The following KIF21A variants were observed in gnomAD, a reference collection of about 807,000 sequenced individuals.
The protein encoded by KIF21A is kinesin-like protein KIF21A.
KIF21A carries 114 observed loss-of-function variants against 202.9 expected under a neutral mutation model. The observed-to-expected ratio is 0.56, with a 90% confidence interval of 0.48 to 0.66. KIF21A has a LOEUF of 0.66. Ranked by LOEUF, KIF21A falls within the 30% of genes least tolerant of loss-of-function variation. KIF21A has a pLI of 0.00. For missense variants in KIF21A, 1,677 were observed against 1,994.9 expected (o/e 0.84, Z 3.04); for synonymous variants, 667 against 670.8 (o/e 0.99, Z 0.09).
chr12:39,392,672 G>T (rs1951454416), intron 1 of KIF21A, among the ~76,000 whole-genome samples: 1 of 151,568 alleles, frequency 6.6e-6, no homozygotes, highest in East Asian at 1.9e-4. Context: ...AGGACAAGGA[G>T]GTAGTTGGTG....
intron 27 of KIF21A, among the ~76,000 whole-genome samples, chr12:39,320,932 C>CAAAAA (rs59613512): frequency 5.6e-4 from 9 of 16,138 alleles, no homozygotes; most frequent in East Asian, 3.3e-3. Context: ...AAGACTCTGC[C>CAAAAA]AAAAAAAAAA....
At chr12:39,388,856 C>T (rs376152534) in intron 1 of KIF21A, among the ~76,000 whole-genome samples, 21 of 152,246 alleles carry the variant, frequency 1.4e-4, no homozygotes, top group African/African-American at 4.6e-4. Context: ...TGCTAAATTA[C>T]TCCTTATTTT....
At chr12:39,314,699 C>T (rs1255229701) in intron 31 of KIF21A, among the ~76,000 whole-genome samples, 1 of 151,740 alleles carries the variant, frequency 6.6e-6, no homozygotes, top group Non-Finnish European at 1.5e-5. Flanking sequence ...TCCTAAGAAT[C>T]TATTAAATGT....
At chr12:39,340,105 T>C (rs1947320879) in intron 16 of KIF21A, 60 bp downstream of exon 16, 5 of 1,315,776 alleles carry the variant, frequency 3.8e-6, no homozygotes, top group Non-Finnish European at 4.3e-6. Flanking sequence ...GTTTATTTTT[T>C]GTCCCAAATG....
chr12:39,382,269 T>C (rs565745676), intron 1 of KIF21A, among the ~76,000 whole-genome samples: 7 of 152,164 alleles, frequency 4.6e-5, no homozygotes, highest in Admixed American at 1.3e-4. Flanking sequence ...ATTTGTAAGA[T>C]TTTATATTAA....
At chr12:39,403,902 T>G (rs559583606) in intron 1 of KIF21A, among the ~76,000 whole-genome samples, 3 of 152,310 alleles carry the variant, frequency 2.0e-5, no homozygotes, top group African/African-American at 7.2e-5. Context: ...TGAGTTAATA[T>G]GAATGAGAAC....
At chr12:39,352,128 C>T in intron 10 of KIF21A, 148 bp from the exon 11 acceptor site, 1 of 666,332 alleles carries the variant, frequency 1.5e-6, no homozygotes, top group Non-Finnish European at 2.6e-6. Flanking sequence ...TCACCACCAT[C>T]CATCTCCAGA....
At chr12:39,374,177 T>A (rs756017614) in intron 1 of KIF21A, among the ~76,000 whole-genome samples, 2 of 152,234 alleles carry the variant, frequency 1.3e-5, no homozygotes, top group South Asian at 2.1e-4. Context: ...ACCTGCTTTA[T>A]AATTGATGAG....
intron 1 of KIF21A, among the ~76,000 whole-genome samples, chr12:39,424,947 G>A (rs552584543): frequency 6.6e-6 from 1 of 151,820 alleles, no homozygotes; most frequent in Non-Finnish European, 1.5e-5. Flanking sequence ...GACCTATAAG[G>A]CCCTTAATGA....
At chr12:39,370,990 T>C (rs1398526177) in intron 1 of KIF21A, among the ~76,000 whole-genome samples, 1 of 152,190 alleles carries the variant, frequency 6.6e-6, no homozygotes, top group Non-Finnish European at 1.5e-5. Flanking sequence ...AGTATTTGCA[T>C]ATAACTTACA....
In KIF21A at chr12:39,313,064, C is replaced by T. The variant is rs553372265; in HGVS notation, c.3960-1511G>A. ...CAAGAGGGCAGAAATGATTAAGAAA[C>T]GTGAGCCCCAGATAAGTTAGAGCTG... is the stretch of plus-strand genomic sequence containing the variant. On this transcript the variant is annotated intron_variant, in intron 31 of 37. Transcript: ENST00000361418. Among the ~76,000 whole-genome samples, 7 of 151,942 alleles carry T rather than the reference C, an allele frequency of 4.6e-5. No individual in the cohort carries two copies. In the South Asian group the frequency reaches 1.5e-3, roughly 32 times the overall value.
chr12:39,404,742 A>G (rs1952448388), intron 1 of KIF21A, among the ~76,000 whole-genome samples: 1 of 152,210 alleles, frequency 6.6e-6, no homozygotes. Flanking sequence ...ATAGTAAATG[A>G]GACTTCTAAC....
intron 11 of KIF21A, among the ~76,000 whole-genome samples, chr12:39,347,397 G>A (rs968453025): frequency 2.6e-5 from 4 of 151,874 alleles, no homozygotes; most frequent in African/African-American, 9.7e-5. Context: ...CTGTATACCA[G>A]TATTTGTCAT....
chr12:39,319,899 C>T lies in KIF21A; in HGVS notation c.3779+7G>A, dbSNP rs372602056. ...AGTCTAGCAGGTAAAAAACATTAGT[C>T]ACTTACTGCTTTTGTTCCTTGGCCT... On this transcript the variant is annotated splice_region_variant and intron_variant, in intron 28 of 37. Coordinates refer to ENST00000361418, the MANE Select transcript of KIF21A (RefSeq NM_001173464.2). 1.3e-6 allele frequency: 2 copies of T among 1,522,242 alleles called. No homozygotes were observed. The highest frequency in any genetic ancestry group is 2.7e-5 in the African/African-American group (2 of 73,244). The allele number at this position is 1,522,242 out of a possible 1,614,324, so 94.3% of individuals were successfully genotyped here. A position where few individuals can be genotyped will look rare whatever the true frequency, so the allele number is the denominator to read the frequency against.
intron 7 of KIF21A, among the ~76,000 whole-genome samples, chr12:39,362,076 CT>C (rs1401298280): frequency 1.3e-5 from 2 of 152,094 alleles, no homozygotes; most frequent in Non-Finnish European, 2.9e-5. Flanking sequence ...CCTCTCCTTC[CT>C]CCTGCTCCAG....
intron 1 of KIF21A, among the ~76,000 whole-genome samples, chr12:39,413,098 C>G (rs1257330261): frequency 6.6e-6 from 1 of 152,118 alleles, no homozygotes. Flanking sequence ...TATAGCAAAT[C>G]TTTTAGGAAT....
intron 37 of KIF21A, among the ~76,000 whole-genome samples, chr12:39,298,662 T>G (rs1305924518): frequency 6.6e-6 from 1 of 152,182 alleles, no homozygotes; most frequent in Non-Finnish European, 1.5e-5. Context: ...AAACAAAGCC[T>G]GATACTCTTT....
rs1266836766 is a variant in KIF21A at position 39,351,932 on chromosome 12, G to A, written c.1518C>T (p.Asn506=). 4 of 1,613,284 alleles carry A rather than the reference G, an allele frequency of 2.5e-6. No individual in the cohort carries two copies. The highest frequency in any genetic ancestry group is 2.5e-6 in the Non-Finnish European group (3 of 1,179,558). Residue 506 remains asparagine, a synonymous_variant, in exon 11 of 38, where the codon AAC becomes AAT. Transcript: ENST00000361418. Reference sequence around the variant, plus strand: ...GCGCTCTTGCTGTGGCTCTTGTCAAGTTTTTTCGAAGGTTCTCATTCACTG... The same window carrying A: ...GCGCTCTTGCTGTGGCTCTTGTCAAATTTTTTCGAAGGTTCTCATTCACTG... ...SEAVNENLRK[N]LTRATARAPY... is the part of the protein sequence containing the mutation.
rs1395136814 is a variant in KIF21A, at chr12:39,442,147, A to T, written c.44+780T>A. Among the ~76,000 whole-genome samples the T allele has an allele frequency of 6.6e-6, 1 of 152,014 alleles. No homozygotes were observed. Among genetic ancestry groups the T allele is most frequent in the Admixed American group, 6.6e-5 (1 of 15,258 alleles). On this transcript the variant is annotated intron_variant, in intron 1 of 37. Transcript: ENST00000361418. The surrounding 1 kb of genome is among the most constrained non-coding windows in gnomAD (Gnocchi z 5.0). ...ATGTACCTAGTATTTCCAGACTCAC[A>T]CCCTGGCCTGGGTAACGTTACGATT...
Sources: gnomAD v4.1 joint callset for allele counts (sites outside exome capture counted in the v4.1 genomes callset) on GRCh38, gnomAD v4.1.1 for gene constraint, Gnocchi (gnomAD v3.1) non-coding constraint, MANE v1.5 for transcripts, NCBI Gene and HGNC (gene_info 2026-07-23, HGNC 2026-07-21) for gene names.